The following HSD17B14 variants were observed in gnomAD, a reference collection of about 807,000 sequenced individuals.
HSD17B14 encodes L-fucose dehydrogenase.
In HSD17B14, 32 loss-of-function variants were observed where a neutral mutation model predicts 32.2. The observed-to-expected ratio is 0.99, with a 90% CI of 0.75 to 1.33. The LOEUF (loss-of-function observed/expected upper bound fraction) is 1.33. Among genes scored for constraint, HSD17B14 ranks in the 40% most tolerant of loss-of-function variants. HSD17B14 has a pLI of 0.00. For missense variants in HSD17B14, 370 were observed against 366.5 expected (o/e 1.01, Z -0.08); for synonymous variants, 140 against 155.4 (o/e 0.90, Z 0.74).
intron 5 of HSD17B14, among the ~76,000 whole-genome samples, chr19:48,824,771 A>G (rs1003534184): frequency 2.5e-5 from 2 of 81,132 alleles, no homozygotes; most frequent in African/African-American, 1.3e-4. Context: ...AAGAAAGACA[A>G]AAAAAAAAAG....
intron 5 of HSD17B14, among the ~76,000 whole-genome samples, chr19:48,821,673 T>C (rs1330534826): frequency 2.8e-5 from 4 of 142,642 alleles, no homozygotes; most frequent in Non-Finnish European, 4.6e-5. Flanking sequence ...GTGATAATGA[T>C]GATGATGGTG....
chr19:48,823,031 C>T (rs146400055), intron 5 of HSD17B14, among the ~76,000 whole-genome samples: 164 of 152,176 alleles, frequency 1.1e-3, no homozygotes, highest in Middle Eastern at 6.8e-3. Flanking sequence ...TCTTTGCCCT[C>T]AGGGAAAACA....
At chr19:48,831,125 GTGTC>G (rs1317193129) in intron 5 of HSD17B14, among the ~76,000 whole-genome samples, 1 of 152,068 alleles carries the variant, frequency 6.6e-6, no homozygotes, top group African/African-American at 2.4e-5. Flanking sequence ...GTGAGCCACT[GTGTC>G]TGGCCCCAAT....
intron 5 of HSD17B14, among the ~76,000 whole-genome samples, chr19:48,830,822 CTATT>C (rs150317727): frequency 0.42 from 62,083 of 147,446 alleles, 13,308 homozygotes; most frequent in Non-Finnish European, 0.46. Context: ...TGGACCTGGC[CTATT>C]TATTTATTTA....
intron 2 of HSD17B14, among the ~76,000 whole-genome samples, chr19:48,834,788 G>A (rs1437122770): frequency 2.6e-5 from 2 of 77,324 alleles, no homozygotes; most frequent in Non-Finnish European, 5.3e-5. Context: ...GGGGCTGGGA[G>A]CCTGGACTCC....
intron 3 of HSD17B14, among the ~76,000 whole-genome samples, chr19:48,833,308 C>T (rs902913921): frequency 3.3e-5 from 5 of 151,526 alleles, no homozygotes; most frequent in South Asian, 2.1e-4. Context: ...TCAGAGAGCG[C>T]GTAGGGGACA....
chr19:48,835,237 T>C (rs1169534107), intron 2 of HSD17B14, among the ~76,000 whole-genome samples: 1 of 27,768 alleles, frequency 3.6e-5, no homozygotes. Flanking sequence ...GAGCCTGGAC[T>C]CCTGGGTCTG....
In HSD17B14 at chr19:48,834,344, C is replaced by A; in HGVS notation, c.142G>T (p.Ala48Ser). The A allele has an allele frequency of 1.9e-6, 3 of 1,613,580 alleles. No individual in the cohort carries two copies. ...ICDKDESGGRALEQELPGAVF... is the reference protein window; with the variant it reads ...ICDKDESGGRSLEQELPGAVF... ...GCTCCAGGGAGCTCCTGCTCCAGGGCCCGGCCCCCAGACTCTGCAGGGAGA... is the reference window on the plus strand; with the variant it reads ...GCTCCAGGGAGCTCCTGCTCCAGGGACCGGCCCCCAGACTCTGCAGGGAGA... Residue 48 changes from alanine (A) to serine (S), a missense_variant, in exon 3 of 9, where the codon GCC (alanine) becomes TCC (serine). Transcript: ENST00000263278.
rs80004575 is a variant in HSD17B14, at chr19:48,814,202, A to G, written c.475-472T>C. Among the ~76,000 whole-genome samples the G allele has an allele frequency of 1.4e-4, 20 of 147,906 alleles. No homozygotes were observed. The East Asian group carries it at 3.8e-3, about 28-fold the overall frequency. On this transcript the variant is annotated intron_variant, in intron 6 of 8. Transcript: ENST00000263278. ...AGAGTGAGACCCTATCTAAAAAAAA[A>G]AAGAAGAAAAGAAAAGAAAAGAAAA... is the stretch of plus-strand genomic sequence containing the variant.
chr19:48,827,339 G>A (rs2035267388), intron 5 of HSD17B14, among the ~76,000 whole-genome samples: 1 of 151,820 alleles, frequency 6.6e-6, no homozygotes, highest in South Asian at 2.1e-4. Context: ...CACCGTGCCT[G>A]GCAAGGACAG....
In HSD17B14 at chr19:48,832,742, A is replaced by C; in HGVS notation, c.211-10T>G. On this transcript the variant is annotated splice_polypyrimidine_tract_variant and intron_variant, in intron 3 of 8. Transcript: ENST00000263278. ...TCTCAGAAACCAGGGTCTGAGGAGA[A>C]AGGAAATGTCCTTTGTTTTTTTTTT... is the stretch of plus-strand genomic sequence containing the variant. 1 of 1,608,310 alleles carries C rather than the reference A, an allele frequency of 6.2e-7. No homozygotes were observed. Among genetic ancestry groups the C allele is most frequent in the Non-Finnish European group, 8.5e-7 (1 of 1,177,990 alleles).
chr19:48,832,515 G>A (rs2035356304), intron 4 of HSD17B14, 151 bp downstream of exon 4: 1 of 706,604 alleles, frequency 1.4e-6, no homozygotes, highest in Non-Finnish European at 2.5e-6. Flanking sequence ...GGCCTGGGGG[G>A]CTTCCATTGC....
chr19:48,834,498 A>C (rs2035429560), intron 2 of HSD17B14, 140 bp from the exon 3 acceptor site: 1 of 385,596 alleles, frequency 2.6e-6, no homozygotes, highest in African/African-American at 4.7e-5. Flanking sequence ...TGAGGTCTGG[A>C]CTCCTGGGTC....
intron 1 of HSD17B14, among the ~76,000 whole-genome samples, 154 bp from the exon 2 acceptor site, chr19:48,835,997 T>A (rs115869192): frequency 6.6e-6 from 1 of 152,002 alleles, no homozygotes; most frequent in Non-Finnish European, 1.5e-5. Context: ...CCTTGACACA[T>A]ACTCTCCTTG....
chr19:48,819,719 C>T (rs1264624191), intron 5 of HSD17B14, among the ~76,000 whole-genome samples: 1 of 152,206 alleles, frequency 6.6e-6, no homozygotes, highest in Non-Finnish European at 1.5e-5. Flanking sequence ...GAACCACACC[C>T]ATCCCCCTCA....
intron 5 of HSD17B14, among the ~76,000 whole-genome samples, chr19:48,819,240 C>A (rs570805069): frequency 6.6e-6 from 1 of 152,234 alleles, no homozygotes; most frequent in Admixed American, 6.5e-5. Flanking sequence ...CTGCCCACCT[C>A]GGCCTCCCAA....
intron 5 of HSD17B14, among the ~76,000 whole-genome samples, chr19:48,821,445 C>T (rs955406333): frequency 6.6e-6 from 1 of 152,170 alleles, no homozygotes; most frequent in African/African-American, 2.4e-5. Flanking sequence ...TATCCTTAAT[C>T]CCGCCCTTGT....
At position 48,831,416 on chromosome 19, in the gene HSD17B14, T is replaced by C. The variant is rs561307452; in HGVS notation, c.369+252A>G. 6.6e-5 allele frequency among the ~76,000 whole-genome samples: 10 copies of C among 152,172 alleles called. No individual in the cohort carries two copies. In the South Asian group the frequency reaches 1.9e-3, roughly 29 times the overall value. ...AAAAATTATGAAATTTAGCTGGTTT[T>C]GTGGCCCGCACCTGTAATCCCAGTT... On this transcript the variant is annotated intron_variant, in intron 5 of 8. Coordinates refer to ENST00000263278, the MANE Select transcript of HSD17B14 (RefSeq NM_016246.3).
intron 5 of HSD17B14, among the ~76,000 whole-genome samples, chr19:48,826,527 A>AT (rs1490941364): frequency 1.0e-4 from 5 of 48,780 alleles, no homozygotes; most frequent in African/African-American, 1.7e-4. Flanking sequence ...GAAAAGAAGA[A>AT]AATATATATA....
Sources: allele counts gnomAD v4.1 joint callset (sites outside exome capture counted in the v4.1 genomes callset), GRCh38; gene constraint gnomAD v4.1.1; transcripts MANE v1.5; gene names NCBI Gene and HGNC (gene_info 2026-07-23, HGNC 2026-07-21).